Variants in CCDC51 observed in about 807,000 individuals in gnomAD.
CCDC51 encodes the protein mitochondrial potassium channel.
A neutral mutation model predicts 24.8 loss-of-function variants in CCDC51; 25 were observed. The ratio of observed to expected loss-of-function variants is 1.01; its 90% CI spans 0.73 to 1.41. CCDC51 has a LOEUF of 1.41. Among genes scored for constraint, CCDC51 ranks in the 40% most tolerant of loss-of-function variants. The pLI is 0.00. For synonymous variants in CCDC51, 190 were observed against 204.3 expected (o/e 0.93, Z 0.60); for missense variants, 466 against 519.1 (o/e 0.90, Z 0.99).
chr3:48,440,331 T>G (rs750271806), upstream of CCDC51: 3 of 1,611,362 alleles, frequency 1.9e-6, no homozygotes, highest in South Asian at 3.3e-5. Context: ...TCCGGAACCG[T>G]GAGGACTGCG....
At position 48,440,040 on chromosome 3, in the gene CCDC51, G is replaced by C; in HGVS notation, c.-61C>G. 2 of 581,106 alleles carry C rather than the reference G, an allele frequency of 3.4e-6. No individual in the cohort carries two copies. The highest frequency in any genetic ancestry group is 5.8e-6 in the Non-Finnish European group (2 of 341,938). The allele number at this position is 581,106 out of a possible 1,614,324, so 36.0% of individuals were successfully genotyped here. On this transcript the variant is annotated 5_prime_UTR_variant, in exon 1 of 4. Transcript: ENST00000395694. The stretch of plus-strand genomic sequence containing the variant: ...CAGGCCTGGTAGGCCGTCCGGTTAA[G>C]TACCCCTCCTACGGTTCCGATTCTA...
chr3:48,439,872 C>G, intron 1 of CCDC51, 116 bp downstream of exon 1: 1 of 255,186 alleles, frequency 3.9e-6, no homozygotes, highest in Non-Finnish European at 7.6e-6. Context: ...ATATAACTCC[C>G]GTCCACTTCT....
At chr3:48,442,740 G>A (rs966307399), upstream of CCDC51, among the ~76,000 whole-genome samples, 2 of 151,970 alleles carry the variant, frequency 1.3e-5, no homozygotes, top group Non-Finnish European at 2.9e-5. Context: ...GTGAGCCACC[G>A]CGCCTGGCCC....
rs552194494 is a variant in CCDC51, at chr3:48,432,326, G to T, written c.*82C>A. On this transcript the variant is annotated 3_prime_UTR_variant, in exon 4 of 4. Transcript: ENST00000395694. ...GATTGAGGTTGTACATGCCCCCAAA[G>T]GCTCGCTTCATTGCTACGATTCTCT... 6.5e-6 allele frequency: 10 copies of T among 1,538,578 alleles called. No individual in the cohort carries two copies. Among genetic ancestry groups the T allele is most frequent in the South Asian group, 1.2e-5 (1 of 81,666 alleles).
upstream of CCDC51, among the ~76,000 whole-genome samples, chr3:48,441,917 T>C (rs2039578476): frequency 6.6e-6 from 1 of 152,206 alleles, no homozygotes; most frequent in Non-Finnish European, 1.5e-5. Context: ...CTGAGATTTC[T>C]AGCTCTTGAG....
At chr3:48,442,058 C>T (rs1018344853), upstream of CCDC51, among the ~76,000 whole-genome samples, 1 of 152,062 alleles carries the variant, frequency 6.6e-6, no homozygotes, top group African/African-American at 2.4e-5. Flanking sequence ...ACCCTGTCTA[C>T]AGAAAAAATT....
At chr3:48,434,645 T>C (rs916047678) in intron 2 of CCDC51, among the ~76,000 whole-genome samples, 172 bp downstream of exon 2, 2 of 152,162 alleles carry the variant, frequency 1.3e-5, no homozygotes, top group Non-Finnish European at 2.9e-5. Flanking sequence ...TCGGGGAAAG[T>C]AGGTGGCACA....
Position 48,433,542 on chromosome 3 carries a change from A to C in CCDC51, c.477+165T>G, listed in dbSNP as rs558202205. On this transcript the variant is annotated intron_variant, in intron 3 of 3. Transcript: ENST00000395694. This position sits in a 1 kb window ranked among gnomAD's most constrained non-coding sequence, Gnocchi z 4.4. ...GTACTCCAGAAGAAAGTATATGGAT[A>C]GACTCTGGAAGCTTGGGGTTCTGTC... 6.6e-6 allele frequency among the ~76,000 whole-genome samples: 1 copy of C among 152,344 alleles called. No homozygotes were observed. Among genetic ancestry groups the C allele is most frequent in the African/African-American group, 2.4e-5 (1 of 41,574 alleles).
chr3:48,443,581 T>C (rs1404723664), upstream of CCDC51, among the ~76,000 whole-genome samples: 4 of 151,898 alleles, frequency 2.6e-5, no homozygotes, highest in South Asian at 2.1e-4. Context: ...TGGGTTGATA[T>C]GGCATGAGGA....
At chr3:48,445,646 G>A in the CCDC51 span, among the ~76,000 whole-genome samples, 2 of 152,246 alleles carry the variant, frequency 1.3e-5, no homozygotes, top group African/African-American at 4.8e-5. Flanking sequence ...GAAGCTATCT[G>A]ACGGAGACTA....
At chr3:48,434,636 C>T (rs960274619) in intron 2 of CCDC51, among the ~76,000 whole-genome samples, 181 bp downstream of exon 2, 11 of 152,174 alleles carry the variant, frequency 7.2e-5, no homozygotes, top group Admixed American at 5.9e-4. Context: ...TAACTGTTTT[C>T]GGGGAAAGTA....
intron 2 of CCDC51, 186 bp from the exon 3 acceptor site, chr3:48,434,057 C>T: frequency 2.3e-6 from 3 of 1,301,674 alleles, no homozygotes; most frequent in East Asian, 2.9e-5. Context: ...TTGGGCCACA[C>T]CCATCAGAAT....
At chr3:48,434,705 G>A (rs566054941) in intron 2 of CCDC51, 112 bp downstream of exon 2, 12 of 992,856 alleles carry the variant, frequency 1.2e-5, no homozygotes, top group African/African-American at 4.9e-5. Context: ...GTTTCCACGT[G>A]AGAAATGAGG....
upstream of CCDC51, chr3:48,440,128 G>A (rs2039518051): frequency 8.9e-6 from 10 of 1,128,446 alleles, no homozygotes; most frequent in Admixed American, 8.7e-5. Flanking sequence ...CTGCCACTCA[G>A]TTGACCTCTG....
chr3:48,440,656 C>G, upstream of CCDC51: 1 of 1,598,010 alleles, frequency 6.3e-7, no homozygotes. Flanking sequence ...GGAGCTCAAG[C>G]TGGCCAAACG....
In CCDC51 at chr3:48,434,830, C is replaced by A; in HGVS notation, c.299G>T (p.Gly100Val). Residue 100 changes from glycine (G) to valine (V), a missense_variant, in exon 2 of 4, where the codon GGA becomes GTA. Transcript: ENST00000395694. ...VGLNEVREAQGKVTEAEKVFM... is the reference protein window; with the variant it reads ...VGLNEVREAQVKVTEAEKVFM... ...TCCCCTCCTCACCTCTGTCACCTTTCCCTGGGCCTCTCGAACCTCGTTGAG... is the reference window on the plus strand; with the variant it reads ...TCCCCTCCTCACCTCTGTCACCTTTACCTGGGCCTCTCGAACCTCGTTGAG... 1 of 1,601,472 alleles carries A rather than the reference C, an allele frequency of 6.2e-7. No homozygotes were observed. Among genetic ancestry groups the A allele is most frequent in the Non-Finnish European group, 8.5e-7 (1 of 1,171,814 alleles).
chr3:48,442,260 C>CAAA (rs199829895), upstream of CCDC51, among the ~76,000 whole-genome samples: 1 of 131,838 alleles, frequency 7.6e-6, no homozygotes, highest in African/African-American at 2.7e-5. Context: ...GACCCTATCT[C>CAAA]AAAAAAAAAA....
At chr3:48,441,010 TTTTTG>T (rs747987196), upstream of CCDC51, 27 of 270,130 alleles carry the variant, frequency 1.0e-4, no homozygotes, top group South Asian at 3.5e-4. Flanking sequence ...CTTAGAAGTT[TTTTTG>T]TTTTGTTTTG....
At position 48,432,636 on chromosome 3, in the gene CCDC51, C is replaced by A. The variant is rs1179898112; in HGVS notation, c.1008G>T (p.Gly336=). Reference sequence around the variant, plus strand: ...CTGCAGACTTTACAAGCTGAACCACCCCAGCCATTTGGCTACAAGTCTTTT... The same window carrying A: ...CTGCAGACTTTACAAGCTGAACCACACCAGCCATTTGGCTACAAGTCTTTT... ...GLEKTCSQMA[G]VVQLVKSAAH... Residue 336 remains glycine, a synonymous_variant, in exon 4 of 4, where the codon GGG becomes GGT. Coordinates refer to ENST00000395694, the MANE Select transcript of CCDC51 (RefSeq NM_001256964.2). The A allele has an allele frequency of 2.5e-6, 4 of 1,614,148 alleles. No individual in the cohort carries two copies. The highest frequency in any genetic ancestry group is 1.7e-5 in the Admixed American group (1 of 60,000).
Sources: gnomAD v4.1 joint callset for allele counts (sites outside exome capture counted in the v4.1 genomes callset) on GRCh38, gnomAD v4.1.1 for gene constraint, Gnocchi (gnomAD v3.1) non-coding constraint, MANE v1.5 for transcripts, NCBI Gene and HGNC (gene_info 2026-07-23, HGNC 2026-07-21) for gene names.